The following TRPM3 variants were observed in gnomAD, a reference collection of about 807,000 sequenced individuals.
The protein encoded by TRPM3 is long transient receptor potential channel 3.
A neutral mutation model predicts 181.2 loss-of-function variants in TRPM3; 77 were observed. The ratio of observed to expected loss-of-function variants is 0.42; its 90% CI spans 0.35 to 0.51. The LOEUF (loss-of-function observed/expected upper bound fraction) is 0.51. Ranked by LOEUF, TRPM3 falls within the 20% of genes least tolerant of loss-of-function variation. The probability of loss-of-function intolerance (pLI) is 0.01; values close to 1 mark genes in which losing one functional copy is unlikely to be tolerated. For synonymous variants in TRPM3, 745 were observed against 796.4 expected (o/e 0.94, Z 1.09); for missense variants, 1,759 against 2,196.7 (o/e 0.80, Z 3.98).
At chr9:70,560,627 A>T (rs1424801282) in intron 22 of TRPM3, among the ~76,000 whole-genome samples, 2 of 152,224 alleles carry the variant, frequency 1.3e-5, no homozygotes, top group Non-Finnish European at 2.9e-5. Flanking sequence ...TGAGCTACAA[A>T]TTCCCTTTCC....
At chr9:70,647,899 T>C (rs1237127395) in intron 9 of TRPM3, among the ~76,000 whole-genome samples, 1 of 152,084 alleles carries the variant, frequency 6.6e-6, no homozygotes, top group Non-Finnish European at 1.5e-5. Flanking sequence ...ACACCAATAA[T>C]GTCCAAGCTG....
intron 1 of TRPM3, among the ~76,000 whole-genome samples, chr9:71,317,410 C>T (rs528580661): frequency 6.6e-6 from 1 of 152,160 alleles, no homozygotes; most frequent in South Asian, 2.1e-4. Flanking sequence ...GAGGCTGAGA[C>T]AGGCAGATTG....
chr9:70,615,322 C>T (rs1474312526), intron 18 of TRPM3, among the ~76,000 whole-genome samples: 5 of 152,312 alleles, frequency 3.3e-5, no homozygotes, highest in Admixed American at 1.3e-4. Flanking sequence ...GTGGCAGTCA[C>T]GCTGCTCAGG....
chr9:71,198,664 C>G (rs1378484237), intron 1 of TRPM3, among the ~76,000 whole-genome samples: 3 of 151,368 alleles, frequency 2.0e-5, no homozygotes, highest in Admixed American at 6.6e-5. Flanking sequence ...CATGATTTGG[C>G]TCTCTGTTTG....
At chr9:71,022,415 C>G (rs1191152298) in intron 1 of TRPM3, among the ~76,000 whole-genome samples, 1 of 152,148 alleles carries the variant, frequency 6.6e-6, no homozygotes, top group Admixed American at 6.5e-5. Flanking sequence ...TAGATCACAG[C>G]TGGTCATGGT....
At chr9:70,860,772 G>C (rs1299326515) in intron 3 of TRPM3, among the ~76,000 whole-genome samples, 1 of 152,128 alleles carries the variant, frequency 6.6e-6, no homozygotes, top group African/African-American at 2.4e-5. Flanking sequence ...AGAGACTGAA[G>C]CAAATAATAG....
intron 1 of TRPM3, among the ~76,000 whole-genome samples, chr9:71,339,660 G>A (rs1004890560): frequency 1.1e-4 from 16 of 152,152 alleles, no homozygotes; most frequent in South Asian, 4.1e-4. Context: ...CATACATAGC[G>A]TATGACTCTA....
chr9:71,389,750 A>G (rs367894785), intron 1 of TRPM3, among the ~76,000 whole-genome samples: 15 of 152,232 alleles, frequency 9.9e-5, no homozygotes, highest in Non-Finnish European at 1.8e-4. Context: ...ACCAAAGACC[A>G]TATGTTCTCA....
intron 12 of TRPM3, among the ~76,000 whole-genome samples, chr9:70,632,440 C>A (rs766502289): frequency 6.6e-6 from 1 of 152,226 alleles, no homozygotes; most frequent in Admixed American, 6.5e-5. Flanking sequence ...CTTTCTTGCT[C>A]TCCCATCATC....
At chr9:70,759,400 T>C (rs969825480) in intron 8 of TRPM3, among the ~76,000 whole-genome samples, 1 of 152,230 alleles carries the variant, frequency 6.6e-6, no homozygotes, top group Admixed American at 6.5e-5. Flanking sequence ...GTATATTAGT[T>C]CAATCATTCT....
chr9:70,559,792 T>C (rs1478092708), intron 22 of TRPM3, among the ~76,000 whole-genome samples: 1 of 152,142 alleles, frequency 6.6e-6, no homozygotes, highest in African/African-American at 2.4e-5. Context: ...GGCCAGTACC[T>C]GCCCTATACC....
At chr9:70,651,718 A>G (rs991147081) in intron 9 of TRPM3, among the ~76,000 whole-genome samples, 2 of 152,180 alleles carry the variant, frequency 1.3e-5, no homozygotes, top group African/African-American at 4.8e-5. Flanking sequence ...ACATTTTGGA[A>G]TATAGTTCCT....
At chr9:71,162,307 T>C (rs2076321690) in intron 1 of TRPM3, among the ~76,000 whole-genome samples, 1 of 152,082 alleles carries the variant, frequency 6.6e-6, no homozygotes, top group Non-Finnish European at 1.5e-5. Flanking sequence ...CTTCCGGCTT[T>C]TCTGGCTTTC....
chr9:70,625,365 C>T lies in TRPM3; in HGVS notation c.1669-34G>A. 6.2e-7 allele frequency: 1 copy of T among 1,612,568 alleles called. No homozygotes were observed. ...GTAGAATGAAACAAACAGACAAATC[C>T]AAAAGACAACGTGGTTTACTAGGGA... On this transcript the variant is annotated intron_variant, in intron 13 of 25. Coordinates refer to ENST00000677713, the MANE Select transcript of TRPM3 (RefSeq NM_001366145.2). This position sits in a 1 kb window ranked among gnomAD's most constrained non-coding sequence, Gnocchi z 4.8.
intron 1 of TRPM3, among the ~76,000 whole-genome samples, chr9:71,404,357 G>A (rs1306512048): frequency 2.0e-5 from 3 of 152,140 alleles, no homozygotes; most frequent in African/African-American, 7.2e-5. Flanking sequence ...ACCTTAATCA[G>A]ATGCATTTCC....
At chr9:70,740,287 A>G (rs755083331) in intron 8 of TRPM3, among the ~76,000 whole-genome samples, 17 of 152,220 alleles carry the variant, frequency 1.1e-4, no homozygotes, top group Non-Finnish European at 2.2e-4. Flanking sequence ...CTTCTACAAC[A>G]AAACTACAAA....
intron 22 of TRPM3, among the ~76,000 whole-genome samples, chr9:70,562,703 A>C (rs1174989812): frequency 6.6e-6 from 1 of 152,108 alleles, no homozygotes; most frequent in East Asian, 1.9e-4. Flanking sequence ...TGTTCTTCCT[A>C]TCCTATATAT....
intron 7 of TRPM3, among the ~76,000 whole-genome samples, chr9:70,772,483 G>A (rs776535735): frequency 6.6e-6 from 1 of 151,898 alleles, no homozygotes; most frequent in Non-Finnish European, 1.5e-5. Context: ...CACCACACCT[G>A]GCTAATTTTT....
At chr9:70,940,554 T>C (rs1197029405) in intron 1 of TRPM3, among the ~76,000 whole-genome samples, 1 of 152,078 alleles carries the variant, frequency 6.6e-6, no homozygotes, top group Non-Finnish European at 1.5e-5. Context: ...GGGCTTACAG[T>C]ATGGTGGGGA....
Sources: gnomAD v4.1 joint callset for allele counts (sites outside exome capture counted in the v4.1 genomes callset) on GRCh38, gnomAD v4.1.1 for gene constraint, Gnocchi (gnomAD v3.1) non-coding constraint, MANE v1.5 for transcripts, NCBI Gene and HGNC (gene_info 2026-07-23, HGNC 2026-07-21) for gene names.